Variants in PEPD observed in about 807,000 individuals in gnomAD.
PEPD encodes the protein peptidase D, also known as xaa-Pro dipeptidase.
PEPD carries 53 observed loss-of-function variants against 60.7 expected under a neutral mutation model. The ratio of observed to expected loss-of-function variants is 0.87; its 90% CI spans 0.70 to 1.10. PEPD has a LOEUF of 1.10. Among genes scored for constraint, PEPD ranks in the 50% least tolerant of loss-of-function variants. The pLI is 0.00. For missense variants in PEPD, 711 were observed against 711.9 expected (o/e 1.00, Z 0.01); for synonymous variants, 267 against 284.1 (o/e 0.94, Z 0.60).
At chr19:33,466,667 G>A (rs1339850238) in intron 7 of PEPD, among the ~76,000 whole-genome samples, 4 of 151,818 alleles carry the variant, frequency 2.6e-5, no homozygotes, top group African/African-American at 9.7e-5. Flanking sequence ...GCCACGTCCA[G>A]GATGTCTTAT....
chr19:33,471,606 T>G (rs1416812748), intron 7 of PEPD, among the ~76,000 whole-genome samples: 1 of 152,044 alleles, frequency 6.6e-6, no homozygotes, highest in Non-Finnish European at 1.5e-5. Flanking sequence ...GGGTGGTTGT[T>G]AGAAGTATGA....
At chr19:33,387,526 G>A in intron 14 of PEPD, 45 bp from the exon 15 acceptor site, 1 of 1,610,636 alleles carries the variant, frequency 6.2e-7, no homozygotes, top group South Asian at 1.1e-5. Flanking sequence ...GCAGCCTCAT[G>A]TGCCAGGCTA....
At chr19:33,480,178 AAAT>A (rs764551027) in intron 6 of PEPD, among the ~76,000 whole-genome samples, 11 of 152,244 alleles carry the variant, frequency 7.2e-5, no homozygotes, top group Non-Finnish European at 1.5e-4. Flanking sequence ...TCAAAGACAC[AAAT>A]AGGTTGAAAG....
In PEPD at chr19:33,453,441, CT is replaced by C. The variant is rs35085936; in HGVS notation, c.671+9553del. On this transcript the variant is annotated intron_variant, in intron 9 of 14. Coordinates refer to ENST00000244137, the MANE Select transcript of PEPD (RefSeq NM_000285.4). ...GCCTCATCTTACCGTGCCTTGCTTTCTTTTTTTAGAAATTGAAGGTTTGTGG... is the reference window on the plus strand; with the variant it reads ...GCCTCATCTTACCGTGCCTTGCTTTCTTTTTTAGAAATTGAAGGTTTGTGG... 8.5e-5 allele frequency among the ~76,000 whole-genome samples: 13 copies of C among 152,296 alleles called. No homozygotes were observed. The South Asian group carries it at 2.7e-3, about 32-fold the overall frequency.
chr19:33,438,892 G>C (rs1287044304), intron 9 of PEPD, among the ~76,000 whole-genome samples: 1 of 152,214 alleles, frequency 6.6e-6, no homozygotes, highest in Non-Finnish European at 1.5e-5. Context: ...GTTAATTTTT[G>C]TATTTTTAGT....
intron 6 of PEPD, among the ~76,000 whole-genome samples, chr19:33,482,031 A>AAACAAC (rs138807337): frequency 0.011 from 1,704 of 151,836 alleles, 35 homozygotes; most frequent in African/African-American, 0.039. Flanking sequence ...ACAAACAAAT[A>AAACAAC]AACAACAACA....
chr19:33,452,324 CT>C (rs907417404), intron 9 of PEPD, among the ~76,000 whole-genome samples: 31 of 151,950 alleles, frequency 2.0e-4, no homozygotes, highest in Non-Finnish European at 3.7e-4. Flanking sequence ...CAAAAATAAA[CT>C]AGCCAAAATC....
At chr19:33,493,671 C>A (rs918917724) in intron 4 of PEPD, among the ~76,000 whole-genome samples, 21 of 152,016 alleles carry the variant, frequency 1.4e-4, no homozygotes, top group Non-Finnish European at 2.9e-4. Flanking sequence ...TGCCCATCTG[C>A]AAAGTCCCTG....
chr19:33,430,173 G>A (rs1969239051), intron 9 of PEPD, among the ~76,000 whole-genome samples: 1 of 152,220 alleles, frequency 6.6e-6, no homozygotes, highest in South Asian at 2.1e-4. Flanking sequence ...AACATCCCCG[G>A]GAAGGACATG....
chr19:33,516,070 C>T (rs111847462), intron 1 of PEPD, among the ~76,000 whole-genome samples: 2,847 of 152,232 alleles, frequency 0.019, 43 homozygotes, highest in Non-Finnish European at 0.03. Context: ...GTGCAGGGCT[C>T]TGAGCATAAG....
chr19:33,406,230 C>G (rs921049179), intron 11 of PEPD, among the ~76,000 whole-genome samples: 6 of 152,300 alleles, frequency 3.9e-5, no homozygotes, highest in African/African-American at 1.4e-4. Context: ...CTGGGAGCAC[C>G]CAGGATGTCT....
intron 14 of PEPD, 80 bp from the exon 15 acceptor site, chr19:33,387,561 A>C (rs1600069781): frequency 1.3e-6 from 2 of 1,562,564 alleles, no homozygotes; most frequent in Non-Finnish European, 1.8e-6. Context: ...TTCCAGGCCC[A>C]CCCCACCATG....
At chr19:33,495,828 A>G (rs1209474472) in intron 4 of PEPD, among the ~76,000 whole-genome samples, 1 of 152,128 alleles carries the variant, frequency 6.6e-6, no homozygotes, top group Non-Finnish European at 1.5e-5. Context: ...TCTATTAAAA[A>G]TACAAAAAAA....
chr19:33,458,852 G>C (rs1444400425), intron 9 of PEPD, among the ~76,000 whole-genome samples: 2 of 6,766 alleles, frequency 3.0e-4, no homozygotes, highest in Non-Finnish European at 4.4e-4. Context: ...TATGTGGTGT[G>C]TATGGTGTGG....
Position 33,511,036 on chromosome 19 carries a change from C to G in PEPD, c.321G>C (p.Trp107Cys), listed in dbSNP as rs1970916208. The change falls in exon 3 of 15, where the codon TGG becomes TGC. Residue 107 changes from tryptophan (W) to cysteine (C), a missense_variant. Trp to Cys is a radical substitution (Grantham distance 215). Transcript: ENST00000244137. The part of the protein sequence containing the change: ...VPRLPASHAT[W>C]MGKIHSKEHF... ...GCCAGGCTGCTCCTTACTTTCCCAT[C>G]CAGGTGGCATGGCTGGCAGGAAGCC... 6.2e-7 allele frequency: 1 copy of G among 1,607,422 alleles called. No individual in the cohort carries two copies. Among genetic ancestry groups the G allele is most frequent in the Non-Finnish European group, 8.5e-7 (1 of 1,176,014 alleles).
intron 11 of PEPD, among the ~76,000 whole-genome samples, chr19:33,410,010 G>A (rs1052780784): frequency 6.6e-6 from 1 of 152,218 alleles, no homozygotes; most frequent in Non-Finnish European, 1.5e-5. Context: ...TCCCAGCCCC[G>A]AGCACGGTGG....
chr19:33,469,520 C>T (rs560155233), intron 7 of PEPD, among the ~76,000 whole-genome samples: 4 of 152,254 alleles, frequency 2.6e-5, no homozygotes, highest in Admixed American at 6.5e-5. Flanking sequence ...CAGATGGGTC[C>T]ACTCTCACCT....
At chr19:33,478,312 T>C (rs749932527) in intron 6 of PEPD, among the ~76,000 whole-genome samples, 10 of 152,214 alleles carry the variant, frequency 6.6e-5, no homozygotes, top group Non-Finnish European at 1.3e-4. Context: ...GCAAGCTTTA[T>C]GGCTACAAAA....
chr19:33,406,487 G>A (rs922847912), intron 11 of PEPD, among the ~76,000 whole-genome samples: 2 of 152,240 alleles, frequency 1.3e-5, no homozygotes, highest in Admixed American at 6.5e-5. Context: ...CTTTAAGACC[G>A]CAGAGTGCTC....
Sources: allele counts gnomAD v4.1 joint callset (sites outside exome capture counted in the v4.1 genomes callset), GRCh38; gene constraint gnomAD v4.1.1; transcripts MANE v1.5; gene names NCBI Gene and HGNC (gene_info 2026-07-23, HGNC 2026-07-21).